Variants in KIAA1328 observed in about 807,000 individuals in gnomAD.
The protein encoded by KIAA1328 is protein hinderin.
Under a neutral mutation model 68.1 loss-of-function variants are expected in KIAA1328, and 52 were observed. The observed-to-expected ratio is 0.76, with a 90% CI of 0.61 to 0.96. The LOEUF (loss-of-function observed/expected upper bound fraction) is 0.96. Ranked by LOEUF, KIAA1328 falls within the 40% of genes least tolerant of loss-of-function variation. The pLI, the probability that KIAA1328 is intolerant of heterozygous loss-of-function variation, is 0.00. For synonymous variants in KIAA1328, 232 were observed against 239.4 expected, an observed-to-expected ratio of 0.97 and a Z score of 0.28; for missense variants, 641 against 677.6, an observed-to-expected ratio of 0.95 and a Z score of 0.60.
At chr18:37,010,489 G>T (rs1012254842) in intron 6 of KIAA1328, among the ~76,000 whole-genome samples, 3 of 139,456 alleles carry the variant, frequency 2.2e-5, no homozygotes, top group African/African-American at 8.1e-5. Flanking sequence ...AAAAGGAATT[G>T]ATACCATTTT....
At chr18:37,035,088 A>T (rs1325385733) in intron 6 of KIAA1328, among the ~76,000 whole-genome samples, 3 of 152,222 alleles carry the variant, frequency 2.0e-5, no homozygotes, top group Admixed American at 6.5e-5. Flanking sequence ...TTGGTGATAG[A>T]TATGTAGATA....
chr18:36,916,450 T>C (rs1420713959), intron 5 of KIAA1328, among the ~76,000 whole-genome samples: 1 of 152,106 alleles, frequency 6.6e-6, no homozygotes, highest in Non-Finnish European at 1.5e-5. Context: ...AGTTTTTCTT[T>C]TTCTGTTCAG....
At chr18:37,117,567 C>T (rs1225656435) in intron 7 of KIAA1328, among the ~76,000 whole-genome samples, 1 of 152,210 alleles carries the variant, frequency 6.6e-6, no homozygotes, top group East Asian at 1.9e-4. Flanking sequence ...GGGTGCAACA[C>T]ACCAACATGG....
chr18:36,844,019 A>C (rs983560756), intron 3 of KIAA1328, among the ~76,000 whole-genome samples, 189 bp from the exon 4 acceptor site: 1 of 152,072 alleles, frequency 6.6e-6, no homozygotes, highest in African/African-American at 2.4e-5. Context: ...TGTAAATCTC[A>C]TGAAGTGTCC....
At chr18:37,216,089 A>G (rs1236431913) in intron 9 of KIAA1328, among the ~76,000 whole-genome samples, 1 of 152,014 alleles carries the variant, frequency 6.6e-6, no homozygotes, top group African/African-American at 2.4e-5. Flanking sequence ...TTTCTTTTCA[A>G]AAAACCAGCT....
At chr18:36,842,384 GA>G (rs1202302333) in intron 3 of KIAA1328, among the ~76,000 whole-genome samples, 6 of 152,150 alleles carry the variant, frequency 3.9e-5, no homozygotes, top group Admixed American at 6.5e-5. Flanking sequence ...TAACAGGAAG[GA>G]AGTAGCCTTC....
chr18:37,118,346 G>A (rs1410556044), intron 7 of KIAA1328, among the ~76,000 whole-genome samples: 26 of 152,096 alleles, frequency 1.7e-4, no homozygotes, highest in Admixed American at 1.6e-3. Flanking sequence ...CCATCAGCAA[G>A]CACCTCAGCT....
intron 6 of KIAA1328, among the ~76,000 whole-genome samples, chr18:37,060,048 A>G (rs2056086830): frequency 6.6e-6 from 1 of 152,222 alleles, no homozygotes; most frequent in East Asian, 1.9e-4. Flanking sequence ...TAGGAAAAAT[A>G]CCTAATGTAG....
chr18:37,102,981 G>A (rs1016035381), intron 7 of KIAA1328, among the ~76,000 whole-genome samples: 1 of 152,052 alleles, frequency 6.6e-6, no homozygotes, highest in Non-Finnish European at 1.5e-5. Context: ...ATTTAACCAA[G>A]GAGTTTCAAG....
rs1217195220 is a variant in KIAA1328, at chr18:37,160,287, T to A, written c.1320T>A (p.Asn440Lys). Reference protein sequence around the residue: ...KHQDPPNSGENRKERKTVGFH... With the variant: ...KHQDPPNSGEKRKERKTVGFH... ...AAGACCCCCCAAACAGTGGAGAGAA[T>A]AGGAAGGAGAGGAAGACAGTTGGGT... Residue 440 changes from asparagine to lysine, a missense_variant, in exon 8 of 10, where the codon AAT (asparagine) becomes AAA (lysine). By Grantham distance (94) the Asn-to-Lys change is moderately conservative. Transcript: ENST00000280020. 6.2e-7 allele frequency: 1 copy of A among 1,613,466 alleles called. No homozygotes were observed. Among genetic ancestry groups the A allele is most frequent in the East Asian group, 2.2e-5 (1 of 44,830 alleles).
At chr18:36,862,030 T>TA (rs1442467974) in intron 4 of KIAA1328, among the ~76,000 whole-genome samples, 1 of 152,138 alleles carries the variant, frequency 6.6e-6, no homozygotes, top group Admixed American at 6.6e-5. Context: ...GATGTTACTT[T>TA]AAAAAAAGAA....
chr18:37,223,233 G>A lies in KIAA1328; in HGVS notation c.*1006G>A, dbSNP rs928030978. ...ACCAGGCCTCACAGGTGCTCTGCTC[G>A]TGGCCCCAAAGAACCATCTCTACTT... On this transcript the variant is annotated 3_prime_UTR_variant, in exon 10 of 10. Coordinates refer to ENST00000280020, the MANE Select transcript of KIAA1328 (RefSeq NM_020776.3). 24 of 985,106 alleles carry A rather than the reference G, an allele frequency of 2.4e-5. No homozygotes were observed. The highest frequency in any genetic ancestry group is 1.2e-4 in the African/African-American group (7 of 57,138). 61.0% of individuals were successfully genotyped at this position (985,106 alleles called of 1,614,324 possible). A position where few individuals can be genotyped will look rare whatever the true frequency, so the allele number is the denominator to read the frequency against.
At chr18:37,165,204 A>C (rs1210735223) in intron 8 of KIAA1328, among the ~76,000 whole-genome samples, 2 of 152,114 alleles carry the variant, frequency 1.3e-5, no homozygotes, top group Admixed American at 6.5e-5. Context: ...TTAGGACTTC[A>C]GATTAATTAG....
At chr18:37,069,208 A>T (rs1446748514) in intron 7 of KIAA1328, among the ~76,000 whole-genome samples, 7 of 152,206 alleles carry the variant, frequency 4.6e-5, no homozygotes, top group African/African-American at 1.2e-4. Flanking sequence ...ATGATTTTTT[A>T]AAATGTTACT....
intron 6 of KIAA1328, among the ~76,000 whole-genome samples, chr18:36,973,138 G>A (rs544365782): frequency 2.0e-5 from 3 of 152,172 alleles, no homozygotes; most frequent in East Asian, 1.9e-4. Flanking sequence ...GGAATACTAC[G>A]CAGCCATAAA....
intron 7 of KIAA1328, among the ~76,000 whole-genome samples, chr18:37,078,062 T>C (rs2056810127): frequency 6.6e-6 from 1 of 152,206 alleles, no homozygotes; most frequent in African/African-American, 2.4e-5. Flanking sequence ...GGCATCATGC[T>C]ACCTGACTTC....
At chr18:37,091,801 G>T (rs763922699) in intron 7 of KIAA1328, among the ~76,000 whole-genome samples, 51 of 152,132 alleles carry the variant, frequency 3.4e-4, no homozygotes, top group Non-Finnish European at 6.2e-4. Flanking sequence ...TCCACATATT[G>T]TCCTACACCC....
At chr18:37,112,050 C>T (rs1208370508) in intron 7 of KIAA1328, among the ~76,000 whole-genome samples, 2 of 152,210 alleles carry the variant, frequency 1.3e-5, no homozygotes, top group African/African-American at 4.8e-5. Flanking sequence ...GAACCTACCG[C>T]AGCTCAAGGA....
intron 6 of KIAA1328, among the ~76,000 whole-genome samples, chr18:36,971,172 A>G (rs796074477): frequency 8.5e-5 from 13 of 152,352 alleles, no homozygotes; most frequent in African/African-American, 3.1e-4. Flanking sequence ...CTGATCTTTG[A>G]CAAACCTGAC....
Sources: gnomAD v4.1 joint callset for allele counts (sites outside exome capture counted in the v4.1 genomes callset) on GRCh38, gnomAD v4.1.1 for gene constraint, MANE v1.5 for transcripts, NCBI Gene and HGNC (gene_info 2026-07-23, HGNC 2026-07-21) for gene names.